CFAP43: variants seen among roughly 807,000 people sequenced by gnomAD.
CFAP43 encodes the protein cilia and flagella associated protein 43, also known as cilia- and flagella-associated protein 43.
Under a neutral mutation model 218.9 loss-of-function variants are expected in CFAP43, and 155 were observed. The ratio of observed to expected loss-of-function variants is 0.71; its 90% CI spans 0.62 to 0.81. The LOEUF is 0.81. CFAP43 is among the 30% of genes least tolerant of loss of function. The pLI, the probability that CFAP43 is intolerant of heterozygous loss-of-function variation, is 0.00. For missense variants in CFAP43, 1,778 were observed against 1,954.3 expected, an observed-to-expected ratio of 0.91 and a Z score of 1.70; for synonymous variants, 645 against 681.3, an observed-to-expected ratio of 0.95 and a Z score of 0.83.
chr10:104,160,907 C>T, intron 27 of CFAP43, 130 bp downstream of exon 27: 1 of 913,460 alleles, frequency 1.1e-6, no homozygotes, highest in South Asian at 3.1e-5. Context: ...TCTCCAAATT[C>T]TCTTGAGAAT....
intron 9 of CFAP43, among the ~76,000 whole-genome samples, chr10:104,197,553 T>G (rs2090414738): frequency 6.6e-6 from 1 of 152,276 alleles, no homozygotes; most frequent in African/African-American, 2.4e-5. Context: ...AAATAAATAC[T>G]AACAGTTTAC....
At position 104,185,027 on chromosome 10, in the gene CFAP43, G is replaced by A. The variant is rs1298545964; in HGVS notation, c.2130C>T (p.Tyr710=). 1 of 1,613,948 alleles carries A rather than the reference G, an allele frequency of 6.2e-7. No homozygotes were observed. Among genetic ancestry groups the A allele is most frequent in the African/African-American group, 1.3e-5 (1 of 75,014 alleles). The part of the protein sequence containing the change: ...VNGRDDGTLV[Y]LKWKRFGGHL... Reference sequence around the variant, plus strand: ...AATACTGTACGTACTTCCACTTTAGGTAGACAAGGGTGCCATCATCTCTCC... The same window carrying A: ...AATACTGTACGTACTTCCACTTTAGATAGACAAGGGTGCCATCATCTCTCC... Residue 710 remains tyrosine, a synonymous_variant, in exon 16 of 38, where the codon TAC becomes TAT. Coordinates refer to ENST00000357060, the MANE Select transcript of CFAP43 (RefSeq NM_025145.7).
intron 1 of CFAP43, among the ~76,000 whole-genome samples, chr10:104,231,884 AGAAG>A (rs906703185): frequency 6.6e-6 from 1 of 152,024 alleles, no homozygotes; most frequent in African/African-American, 2.4e-5. Context: ...ATCCTGAGCT[AGAAG>A]GAAGAGATGA....
intron 3 of CFAP43, among the ~76,000 whole-genome samples, chr10:104,218,627 C>G (rs1211796331): frequency 6.6e-6 from 1 of 152,052 alleles, no homozygotes; most frequent in African/African-American, 2.4e-5. Flanking sequence ...AAGGCTCTTG[C>G]ATCTTCCTAC....
Position 104,161,047 on chromosome 10 carries a change from T to C in CFAP43, c.3530A>G (p.Lys1177Arg), listed in dbSNP as rs769170186. The C allele has an allele frequency of 3.7e-6, 6 of 1,608,272 alleles. No homozygotes were observed. The East Asian group carries it at 1.1e-4, about 30-fold the overall frequency. ...ATTTGCTCTTCTGACCTTTCTATAC[T>C]TATCTCTTTCTTCATTTAACTCCTT... The part of the protein sequence containing the change: ...KVKELNEERD[K>R]YRKSLEAELK... Residue 1177 changes from lysine (K) to arginine (R), a missense_variant, in exon 27 of 38, where the codon AAG becomes AGG. By Grantham distance (26) the Lys-to-Arg change is conservative (BLOSUM62 2). This residue lies in a region of CFAP43 where 1,553 missense variants were observed against 1,685.2 expected (regional missense o/e 0.92). Coordinates refer to ENST00000357060, the MANE Select transcript of CFAP43 (RefSeq NM_025145.7).
intron 11 of CFAP43, chr10:104,193,331 A>G (rs1009947118): frequency 1.3e-5 from 2 of 152,354 alleles, no homozygotes; most frequent in Non-Finnish European, 2.9e-5. Flanking sequence ...CGATTAAGTG[A>G]AAAAAGAAAT....
chr10:104,151,016 T>G (rs1166602869), intron 28 of CFAP43, among the ~76,000 whole-genome samples: 1 of 152,168 alleles, frequency 6.6e-6, no homozygotes, highest in Non-Finnish European at 1.5e-5. Flanking sequence ...GTTCCTGTGT[T>G]GGTTTAATAA....
intron 33 of CFAP43, among the ~76,000 whole-genome samples, chr10:104,142,017 T>C (rs1159615394): frequency 1.3e-5 from 2 of 152,214 alleles, no homozygotes; most frequent in East Asian, 3.8e-4. Flanking sequence ...TATTTTTATG[T>C]GGAAGGGGCC....
intron 8 of CFAP43, chr10:104,203,356 A>G (rs2090587982): frequency 6.0e-6 from 2 of 335,128 alleles, no homozygotes; most frequent in East Asian, 9.1e-5. Flanking sequence ...TAACACCATA[A>G]GCGGAGAGTC....
chr10:104,175,059 T>TAAAACAAA (rs1554874723), intron 19 of CFAP43, among the ~76,000 whole-genome samples: 2 of 130,468 alleles, frequency 1.5e-5, no homozygotes, highest in African/African-American at 5.9e-5. Flanking sequence ...AGACTCCATC[T>TAAAACAAA]AAAACAAACA....
intron 37 of CFAP43, among the ~76,000 whole-genome samples, chr10:104,130,998 CAA>C (rs1163188252): frequency 8.8e-5 from 5 of 56,714 alleles, no homozygotes; most frequent in Non-Finnish European, 1.4e-4. Context: ...CACCCTGTCT[CAA>C]AAAAAAAAAA....
At chr10:104,152,505 A>C in intron 28 of CFAP43, 102 bp downstream of exon 28, 1 of 1,524,266 alleles carries the variant, frequency 6.6e-7, no homozygotes, top group Non-Finnish European at 8.9e-7. Context: ...CCCAGAGCAT[A>C]CAAGATCTTA....
chr10:104,169,773 A>G (rs145990080), intron 20 of CFAP43, among the ~76,000 whole-genome samples: 84 of 152,204 alleles, frequency 5.5e-4, no homozygotes, highest in African/African-American at 2.0e-3. Flanking sequence ...ATTCTGATCC[A>G]GTGAGTTAAT....
intron 19 of CFAP43, 123 bp from the exon 20 acceptor site, chr10:104,172,658 T>G: frequency 1.2e-6 from 1 of 827,262 alleles, no homozygotes; most frequent in African/African-American, 1.8e-5. Context: ...CAAAATGTAC[T>G]ACTAAGTAAA....
chr10:104,157,702 G>A (rs931010658), intron 27 of CFAP43, among the ~76,000 whole-genome samples: 8 of 148,296 alleles, frequency 5.4e-5, no homozygotes, highest in African/African-American at 7.5e-5. Context: ...CTGTGCTGTC[G>A]AATTGGAATT....
At chr10:104,217,127 A>G (rs778134052) in intron 3 of CFAP43, among the ~76,000 whole-genome samples, 8 of 152,204 alleles carry the variant, frequency 5.3e-5, no homozygotes, top group Non-Finnish European at 7.3e-5. Flanking sequence ...TGTGTCCCTC[A>G]GCATTTATTC....
intron 23 of CFAP43, 90 bp downstream of exon 23, chr10:104,166,398 T>G (rs1257871419): frequency 1.1e-5 from 10 of 904,004 alleles, no homozygotes; most frequent in Non-Finnish European, 1.7e-5. Context: ...AAATCATCAT[T>G]TGATTGGCAT....
At chr10:104,147,316 C>G (rs1255077837) in intron 29 of CFAP43, among the ~76,000 whole-genome samples, 1 of 151,800 alleles carries the variant, frequency 6.6e-6, no homozygotes, top group Non-Finnish European at 1.5e-5. Flanking sequence ...TTAAGTCACA[C>G]ATTCATAAAT....
Position 104,162,060 on chromosome 10 carries a change from C to T in CFAP43, c.3334-19G>A, listed in dbSNP as rs2134813664. The T allele has an allele frequency of 1.2e-6, 2 of 1,609,780 alleles. No homozygotes were observed. Among genetic ancestry groups the T allele is most frequent in the Non-Finnish European group, 1.7e-6 (2 of 1,178,358 alleles). On this transcript the variant is annotated intron_variant, in intron 25 of 37. Coordinates refer to ENST00000357060, the MANE Select transcript of CFAP43 (RefSeq NM_025145.7). ...TGGCATCCTGGGAAAGAGCCAGAAT[C>T]AGAGAGGAATACTGAGACAGAGACC...
Sources: allele counts gnomAD v4.1 joint callset (sites outside exome capture counted in the v4.1 genomes callset), GRCh38; gene constraint gnomAD v4.1.1; regional missense constraint gnomAD v4.1.1; transcripts MANE v1.5; gene names NCBI Gene and HGNC (gene_info 2026-07-23, HGNC 2026-07-21).